Variants in ADGRD1 observed in about 807,000 individuals in gnomAD.
ADGRD1 encodes the protein G-protein coupled receptor 133.
A neutral mutation model predicts 113.4 loss-of-function variants in ADGRD1; 77 were observed. The observed-to-expected ratio is 0.68, with a 90% confidence interval of 0.57 to 0.82. ADGRD1 has a LOEUF of 0.82. Ranked by LOEUF, ADGRD1 falls within the 40% of genes least tolerant of loss-of-function variation. The probability of loss-of-function intolerance (pLI) is 0.00; values close to 1 mark genes in which losing one functional copy is unlikely to be tolerated. For missense variants in ADGRD1, 1,036 were observed against 1,139.1 expected, an observed-to-expected ratio of 0.91 and a Z score of 1.30; for synonymous variants, 474 against 475.0, an observed-to-expected ratio of 1.00 and a Z score of 0.03.
chr12:131,007,728 G>A (rs1054716756), intron 12 of ADGRD1, among the ~76,000 whole-genome samples: 2 of 152,226 alleles, frequency 1.3e-5, no homozygotes, highest in African/African-American at 4.8e-5. Flanking sequence ...CCCACAACAT[G>A]TTCCATGAGC....
At chr12:131,055,761 C>T (rs1883813480) in intron 13 of ADGRD1, among the ~76,000 whole-genome samples, 2 of 152,216 alleles carry the variant, frequency 1.3e-5, no homozygotes, top group Admixed American at 6.5e-5. Flanking sequence ...ACTCTGGGGA[C>T]AGCCACAGAG....
Position 130,971,474 on chromosome 12 carries a change from G to A in ADGRD1, c.204G>A (p.Lys68=), listed in dbSNP as rs182443807. ...CTTCCTTAGATATTGTGGAAGGGAA[G>A]GTCAACAAAGGCATTTACCTGAAAG... ...QDTTGDIVEG[K]VNKGIYLKEE... is the part of the protein sequence containing the mutation. The change falls in exon 4 of 25, where the codon AAG becomes AAA. Residue 68 remains lysine (K), a synonymous_variant. Coordinates refer to ENST00000261654, the MANE Select transcript of ADGRD1 (RefSeq NM_198827.5). The surrounding 1 kb of genome is among the most constrained non-coding windows in gnomAD (Gnocchi z 4.2). 2 of 1,613,236 alleles carry A rather than the reference G, an allele frequency of 1.2e-6. No homozygotes were observed. The highest frequency in any genetic ancestry group is 1.7e-5 in the Admixed American group (1 of 59,912).
At chr12:131,067,126 G>GTC (rs1884785219) in intron 13 of ADGRD1, among the ~76,000 whole-genome samples, 1 of 152,106 alleles carries the variant, frequency 6.6e-6, no homozygotes, top group East Asian at 1.9e-4. Flanking sequence ...TCAAAAAGTT[G>GTC]AAGGACAGAG....
intron 7 of ADGRD1, 55 bp from the exon 8 acceptor site, chr12:130,992,182 T>G: frequency 7.3e-7 from 1 of 1,369,422 alleles, no homozygotes; most frequent in South Asian, 1.3e-5. Flanking sequence ...TAAACTTCTG[T>G]ATAATATTTT....
intron 13 of ADGRD1, among the ~76,000 whole-genome samples, chr12:131,056,223 C>T (rs900606235): frequency 1.1e-4 from 16 of 152,316 alleles, no homozygotes; most frequent in South Asian, 8.3e-4. Flanking sequence ...TGATCGTAAA[C>T]GCTTTTTCAG....
chr12:131,033,852 G>A (rs1310777486), intron 13 of ADGRD1, among the ~76,000 whole-genome samples: 2 of 152,188 alleles, frequency 1.3e-5, no homozygotes, highest in East Asian at 1.9e-4. Context: ...CTGGGGACAC[G>A]TGGTATCTGC....
intron 13 of ADGRD1, among the ~76,000 whole-genome samples, chr12:131,037,828 T>G (rs1332842754): frequency 8.2e-6 from 1 of 122,094 alleles, no homozygotes; most frequent in Non-Finnish European, 1.7e-5. Flanking sequence ...ACTCACTGCA[T>G]GGGGCCTCAC....
chr12:131,064,871 A>ACTGGT (rs2137103723), intron 13 of ADGRD1, among the ~76,000 whole-genome samples: 1 of 152,336 alleles, frequency 6.6e-6, no homozygotes, highest in African/African-American at 2.4e-5. Context: ...TTTTGGGTAC[A>ACTGGT]CTGGTCTGGG....
In ADGRD1 at chr12:130,966,579, C is replaced by A; in HGVS notation, c.187+33C>A. The A allele has an allele frequency of 2.2e-6, 3 of 1,369,926 alleles. No homozygotes were observed. The highest frequency in any genetic ancestry group is 1.2e-5 in the South Asian group (1 of 86,108). 84.9% of individuals were successfully genotyped at this position (1,369,926 alleles called of 1,614,324 possible). On this transcript the variant is annotated intron_variant, in intron 3 of 24. Coordinates refer to ENST00000261654, the MANE Select transcript of ADGRD1 (RefSeq NM_198827.5). This position sits in a 1 kb window ranked among gnomAD's most constrained non-coding sequence, Gnocchi z 4.6. The stretch of plus-strand genomic sequence containing the variant: ...CGCGGGTGCTGAGAGCGGCTGTGGG[C>A]GCGGGAATCCCAGGGCCATCAGGAG...
chr12:131,074,368 C>T (rs766032851), intron 13 of ADGRD1, among the ~76,000 whole-genome samples: 20 of 152,230 alleles, frequency 1.3e-4, no homozygotes, highest in Non-Finnish European at 2.9e-4. Context: ...AGCTCAGCAG[C>T]CCCTGGCTTG....
chr12:130,997,331 G>T (rs1206427903), intron 8 of ADGRD1, among the ~76,000 whole-genome samples: 2 of 151,412 alleles, frequency 1.3e-5, no homozygotes, highest in South Asian at 2.1e-4. Flanking sequence ...CCCGGACGGG[G>T]TGGCTGCCGG....
intron 5 of ADGRD1, chr12:130,986,734 CAT>C (rs1491402523): frequency 1.7e-5 from 4 of 234,198 alleles, no homozygotes; most frequent in Non-Finnish European, 2.5e-5. Flanking sequence ...CGCTCCTGAC[CAT>C]TTTTTCTTAA....
At chr12:130,963,451 T>C (rs1296676623) in intron 2 of ADGRD1, among the ~76,000 whole-genome samples, 1 of 152,158 alleles carries the variant, frequency 6.6e-6, no homozygotes, top group Non-Finnish European at 1.5e-5. Context: ...ACAGCAGTAT[T>C]GGTTTCTGCA....
At chr12:131,083,462 T>C (rs1886221714) in intron 14 of ADGRD1, among the ~76,000 whole-genome samples, 1 of 152,012 alleles carries the variant, frequency 6.6e-6, no homozygotes, top group Admixed American at 6.6e-5. Context: ...AAAGTATTAA[T>C]TGGGCACAGT....
rs1486614601 is a variant in ADGRD1, at chr12:131,003,326, G to A, written c.1144+24G>A. ...AGGTAGCTGTCGCTTGTAAGGGTGA[G>A]CCACATGGCAGGGGCGGGGGCTGGA... On this transcript the variant is annotated intron_variant, in intron 10 of 24. Transcript: ENST00000261654. The surrounding 1 kb of genome is among the most constrained non-coding windows in gnomAD (Gnocchi z 4.8). The A allele has an allele frequency of 3.3e-6, 5 of 1,524,398 alleles. No individual in the cohort carries two copies. The African/African-American group carries it at 5.5e-5, about 17-fold the overall frequency. 94.4% of individuals were successfully genotyped at this position (1,524,398 alleles called of 1,614,324 possible). A position where few individuals can be genotyped will look rare whatever the true frequency, so the allele number is the denominator to read the frequency against.
At chr12:131,123,038 A>ATTTT (rs1950636788) in intron 20 of ADGRD1, among the ~76,000 whole-genome samples, 3 of 35,386 alleles carry the variant, frequency 8.5e-5, no homozygotes, top group Non-Finnish European at 1.8e-4. Flanking sequence ...TTACCTGGGG[A>ATTTT]GTTTTTTTTT....
chr12:131,004,625 T>G (rs1410122772), intron 11 of ADGRD1, among the ~76,000 whole-genome samples: 1 of 152,108 alleles, frequency 6.6e-6, no homozygotes, highest in African/African-American at 2.4e-5. Flanking sequence ...TCCGGCCCAC[T>G]GGGAAGTCAT....
At chr12:131,019,199 C>A (rs1879010792) in intron 13 of ADGRD1, among the ~76,000 whole-genome samples, 2 of 152,238 alleles carry the variant, frequency 1.3e-5, no homozygotes, top group Admixed American at 1.3e-4. Context: ...TCCTTGGTCA[C>A]CCTGACCTCT....
At chr12:131,135,897 A>G (rs540831947) in intron 21 of ADGRD1, 140 bp from the exon 22 acceptor site, 2 of 774,192 alleles carry the variant, frequency 2.6e-6, no homozygotes, top group Non-Finnish European at 2.1e-6. Context: ...AACCAGGGCT[A>G]CCTGCAGGGA....
Sources: gnomAD v4.1 joint callset for allele counts (sites outside exome capture counted in the v4.1 genomes callset) on GRCh38, gnomAD v4.1.1 for gene constraint, Gnocchi (gnomAD v3.1) non-coding constraint, MANE v1.5 for transcripts, NCBI Gene and HGNC (gene_info 2026-07-23, HGNC 2026-07-21) for gene names.